SLC26A7: variants seen among roughly 807,000 people sequenced by gnomAD.
SLC26A7 encodes solute carrier family 26 member 7, also known as anion exchange transporter.
A neutral mutation model predicts 82.5 loss-of-function variants in SLC26A7; 59 were observed. That is an observed-to-expected ratio of 0.72 (90% CI 0.58 to 0.89). The LOEUF (loss-of-function observed/expected upper bound fraction) is 0.89, where lower values mean the gene tolerates loss of function less well. SLC26A7 is among the 40% of genes least tolerant of loss of function. SLC26A7 has a pLI of 0.00. For synonymous variants in SLC26A7, 271 were observed against 274.3 expected, an observed-to-expected ratio of 0.99 and a Z score of 0.12; for missense variants, 820 against 793.0, an observed-to-expected ratio of 1.03 and a Z score of -0.41.
intron 5 of SLC26A7, among the ~76,000 whole-genome samples, chr8:91,327,643 T>C (rs1812969074): frequency 6.6e-6 from 1 of 152,174 alleles, no homozygotes; most frequent in African/African-American, 2.4e-5. Context: ...CTCAAAATAA[T>C]TTATTGGGAA....
chr8:91,359,487 T>C (rs1310542143), intron 11 of SLC26A7, among the ~76,000 whole-genome samples: 1 of 152,164 alleles, frequency 6.6e-6, no homozygotes, highest in Non-Finnish European at 1.5e-5. Context: ...TTAGAATTTG[T>C]AGTCTCCTAC....
chr8:91,318,076 AT>A, intron 4 of SLC26A7, 139 bp from the exon 5 acceptor site: 2 of 608,608 alleles, frequency 3.3e-6, no homozygotes, highest in Non-Finnish European at 2.7e-6. Flanking sequence ...TATTGTATAT[AT>A]ACAATGTAAC....
intron 5 of SLC26A7, among the ~76,000 whole-genome samples, chr8:91,320,606 T>C (rs1340243080): frequency 6.6e-6 from 1 of 152,116 alleles, no homozygotes; most frequent in Non-Finnish European, 1.5e-5. Context: ...GAAGTGTGCT[T>C]TGGGGTACTT....
intron 2 of SLC26A7, among the ~76,000 whole-genome samples, chr8:91,273,780 G>A (rs1356572319): frequency 6.6e-6 from 1 of 152,064 alleles, no homozygotes; most frequent in Non-Finnish European, 1.5e-5. Context: ...ACACTTTTTT[G>A]TGATTATGTT....
At chr8:91,323,339 T>C (rs1812843223) in intron 5 of SLC26A7, among the ~76,000 whole-genome samples, 1 of 152,232 alleles carries the variant, frequency 6.6e-6, no homozygotes, top group South Asian at 2.1e-4. Context: ...CCAATGTTAC[T>C]TTAGGATTCT....
intron 2 of SLC26A7, among the ~76,000 whole-genome samples, chr8:91,279,133 A>ATATATATATATATATATATG (rs1811491265): frequency 1.2e-4 from 5 of 41,672 alleles, no homozygotes; most frequent in African/African-American, 3.8e-4. Context: ...GTGTATATAT[A>ATATATATATATATATATATG]TATATATATA....
chr8:91,222,202 T>TGTATAG (rs1810170575), intron 2 of SLC26A7, among the ~76,000 whole-genome samples: 1 of 152,182 alleles, frequency 6.6e-6, no homozygotes, highest in Non-Finnish European at 1.5e-5. Flanking sequence ...GGAATGCTTG[T>TGTATAG]GATTTTTGCA....
At chr8:91,360,189 C>T (rs920296669) in intron 11 of SLC26A7, among the ~76,000 whole-genome samples, 9 of 152,064 alleles carry the variant, frequency 5.9e-5, no homozygotes, top group Non-Finnish European at 1.3e-4. Context: ...GATAGTACAA[C>T]AGATAGGCTG....
chr8:91,323,932 T>A (rs1812865966), intron 5 of SLC26A7, among the ~76,000 whole-genome samples: 1 of 150,946 alleles, frequency 6.6e-6, no homozygotes, highest in Non-Finnish European at 1.5e-5. Context: ...GTTCAAGCAA[T>A]TCTCGTGCCT....
intron 4 of SLC26A7, among the ~76,000 whole-genome samples, chr8:91,312,875 A>C (rs1432370274): frequency 1.3e-5 from 2 of 152,094 alleles, no homozygotes; most frequent in East Asian, 3.8e-4. Flanking sequence ...GGAGTTCTCT[A>C]TATATTCTGG....
chr8:91,286,622 C>T (rs1321956989), intron 2 of SLC26A7, among the ~76,000 whole-genome samples: 1 of 152,026 alleles, frequency 6.6e-6, no homozygotes, highest in African/African-American at 2.4e-5. Flanking sequence ...ATATTTTTCC[C>T]CGAAATAGTA....
chr8:91,237,229 T>G (rs970797436), intron 2 of SLC26A7, among the ~76,000 whole-genome samples: 3 of 152,246 alleles, frequency 2.0e-5, no homozygotes, highest in African/African-American at 7.2e-5. Context: ...ACTGTATGTC[T>G]CATGCAAAAC....
chr8:91,277,865 C>G (rs545629178), intron 2 of SLC26A7, among the ~76,000 whole-genome samples: 14 of 152,190 alleles, frequency 9.2e-5, no homozygotes, highest in African/African-American at 3.4e-4. Flanking sequence ...CTTATTCCCC[C>G]CCAAATTAGT....
chr8:91,388,494 G>C (rs1586481467), intron 15 of SLC26A7, among the ~76,000 whole-genome samples: 1 of 152,086 alleles, frequency 6.6e-6, no homozygotes, highest in East Asian at 1.9e-4. Context: ...AAATGGCAAC[G>C]CTATTTAAAT....
intron 5 of SLC26A7, among the ~76,000 whole-genome samples, chr8:91,330,895 G>A (rs1813061401): frequency 6.6e-6 from 1 of 152,044 alleles, no homozygotes; most frequent in Admixed American, 6.6e-5. Flanking sequence ...ATCACAGACT[G>A]GGTGGTTTAA....
At chr8:91,231,063 T>A (rs946105272) in intron 2 of SLC26A7, among the ~76,000 whole-genome samples, 4 of 152,094 alleles carry the variant, frequency 2.6e-5, no homozygotes, top group African/African-American at 9.7e-5. Context: ...ATCTGGGTAT[T>A]TATAAGAATG....
intron 4 of SLC26A7, among the ~76,000 whole-genome samples, chr8:91,309,149 A>G (rs955743626): frequency 2.6e-5 from 4 of 152,068 alleles, no homozygotes; most frequent in Non-Finnish European, 4.4e-5. Flanking sequence ...AGCAAATCTT[A>G]TAAGGCAAAT....
chr8:91,305,110 A>G (rs571416122), intron 4 of SLC26A7, among the ~76,000 whole-genome samples: 9 of 152,296 alleles, frequency 5.9e-5, no homozygotes, highest in Admixed American at 2.0e-4. Context: ...TAGAACAGAG[A>G]CTATTTGTCT....
chr8:91,340,829 CATGCTA>C (rs1387820520), intron 8 of SLC26A7, among the ~76,000 whole-genome samples: 1 of 152,064 alleles, frequency 6.6e-6, no homozygotes, highest in Non-Finnish European at 1.5e-5. Context: ...TTTATTATTG[CATGCTA>C]ATGTTTAATA....
Sources: gnomAD v4.1 joint callset for allele counts (sites outside exome capture counted in the v4.1 genomes callset) on GRCh38, gnomAD v4.1.1 for gene constraint, MANE v1.5 for transcripts, NCBI Gene and HGNC (gene_info 2026-07-23, HGNC 2026-07-21) for gene names.